USH2A: variants seen among roughly 807,000 people sequenced by gnomAD.
The protein encoded by USH2A is Usher syndrome 2A (autosomal recessive, mild).
In USH2A, 443 loss-of-function variants were observed where a neutral mutation model predicts 538.9. The ratio of observed to expected loss-of-function variants is 0.82; its 90% CI spans 0.76 to 0.89. USH2A has a LOEUF of 0.89. Ranked by LOEUF, USH2A falls within the 40% of genes least tolerant of loss-of-function variation. USH2A has a pLI of 0.00. For synonymous variants in USH2A, 2,413 were observed against 2,273.5 expected (o/e 1.06, Z -1.75); for missense variants, 6,633 against 6,324.8 (o/e 1.05, Z -1.65).
intron 61 of USH2A, among the ~76,000 whole-genome samples, chr1:215,722,424 T>C (rs949995546): frequency 1.3e-5 from 2 of 152,240 alleles, no homozygotes; most frequent in Non-Finnish European, 1.5e-5. Flanking sequence ...TTTTATGTTA[T>C]CTAAGCCAAA....
intron 47 of USH2A, among the ~76,000 whole-genome samples, chr1:215,837,697 A>G (rs1449448811): frequency 2.0e-5 from 3 of 152,206 alleles, no homozygotes. Flanking sequence ...TATGCTCCGC[A>G]AAAGGATTCA....
chr1:216,313,623 T>C (rs1022730112), intron 9 of USH2A, among the ~76,000 whole-genome samples: 3 of 152,206 alleles, frequency 2.0e-5, no homozygotes, highest in African/African-American at 7.2e-5. Context: ...TCACAATTCC[T>C]TCCTTCACAC....
intron 4 of USH2A, among the ~76,000 whole-genome samples, chr1:216,332,260 G>C (rs1167918312): frequency 6.6e-6 from 1 of 152,036 alleles, no homozygotes; most frequent in Non-Finnish European, 1.5e-5. Context: ...TCATCCACTG[G>C]AAACAGCATT....
intron 17 of USH2A, 139 bp downstream of exon 17, chr1:216,199,488 T>C (rs1405941896): frequency 4.7e-6 from 6 of 1,288,768 alleles, no homozygotes; most frequent in Non-Finnish European, 6.6e-6. Flanking sequence ...CTATCTTATA[T>C]CTTTAGAAAC....
rs748673426 is a variant in USH2A, at chr1:216,007,019, GT to G, written c.6326-6458del. Among the ~76,000 whole-genome samples the G allele has an allele frequency of 5.3e-5, 8 of 152,250 alleles. No homozygotes were observed. In the East Asian group the frequency reaches 5.8e-4, roughly 11 times the overall value. On this transcript the variant is annotated intron_variant, in intron 32 of 71. Transcript: ENST00000307340. ...GGGAGATAATTGAATCATGGGGGCA[GT>G]TTCCCCCTTCTGTTCTCATGGTAGT...
At chr1:215,650,937 C>T (rs1657057253) in intron 64 of USH2A, 136 bp from the exon 65 acceptor site, 1 of 889,324 alleles carries the variant, frequency 1.1e-6, no homozygotes, top group Non-Finnish European at 1.7e-6. Context: ...AAACTTTGAT[C>T]TTGCAACCTT....
intron 58 of USH2A, among the ~76,000 whole-genome samples, chr1:215,758,123 A>C (rs1313231355): frequency 2.0e-5 from 3 of 151,850 alleles, no homozygotes; most frequent in Admixed American, 2.0e-4. Context: ...GTCTCTACTA[A>C]AAACAATACA....
At chr1:216,382,837 T>C (rs1168708459) in intron 3 of USH2A, among the ~76,000 whole-genome samples, 2 of 152,150 alleles carry the variant, frequency 1.3e-5, no homozygotes, top group East Asian at 3.8e-4. Flanking sequence ...ATACAACTTC[T>C]TATGTATCTT....
intron 32 of USH2A, among the ~76,000 whole-genome samples, chr1:216,012,510 T>G (rs948456966): frequency 6.6e-6 from 1 of 152,158 alleles, no homozygotes; most frequent in African/African-American, 2.4e-5. Flanking sequence ...ATTTCTTCCC[T>G]TCTGTCAGAC....
intron 43 of USH2A, among the ~76,000 whole-genome samples, chr1:215,877,216 C>G (rs961737364): frequency 2.0e-5 from 3 of 152,162 alleles, no homozygotes; most frequent in African/African-American, 4.8e-5. Context: ...ACCAGATCTC[C>G]TAACTCTCCC....
rs574100345 is a variant in USH2A at position 216,046,716 on chromosome 1, G to A, written c.6164-124C>T. 1.1e-4 allele frequency: 130 copies of A among 1,151,360 alleles called. 1 individual carries two copies. The highest frequency in any genetic ancestry group is 1.4e-4 in the African/African-American group (9 of 64,878). The allele number at this position is 1,151,360 out of a possible 1,614,324, so 71.3% of individuals were successfully genotyped here. Reference sequence around the variant, plus strand: ...CCATGCATGGAAATATTCCCGATTCGTGGGCAGCTTGTCAGTAATTGCTTT... The same window carrying A: ...CCATGCATGGAAATATTCCCGATTCATGGGCAGCTTGTCAGTAATTGCTTT... On this transcript the variant is annotated intron_variant, in intron 31 of 71. Coordinates refer to ENST00000307340, the MANE Select transcript of USH2A (RefSeq NM_206933.4).
chr1:215,917,987 G>C (rs1278373331), intron 38 of USH2A, among the ~76,000 whole-genome samples: 1 of 151,438 alleles, frequency 6.6e-6, no homozygotes, highest in Non-Finnish European at 1.5e-5. Flanking sequence ...AAATGACTGA[G>C]GTCGTGTAGA....
At chr1:216,239,763 G>A (rs1357492659) in intron 13 of USH2A, among the ~76,000 whole-genome samples, 1 of 152,096 alleles carries the variant, frequency 6.6e-6, no homozygotes, top group Non-Finnish European at 1.5e-5. Flanking sequence ...GAGGAAGGTG[G>A]CTTGGACCTG....
At chr1:216,422,813 T>A (rs193061646) in intron 1 of USH2A, among the ~76,000 whole-genome samples, 103 of 150,918 alleles carry the variant, frequency 6.8e-4, no homozygotes, top group Non-Finnish European at 8.6e-4. Context: ...TGTGTGTGTT[T>A]TATATATATA....
intron 6 of USH2A, among the ~76,000 whole-genome samples, 170 bp downstream of exon 6, chr1:216,325,135 C>A (rs1372751148): frequency 6.6e-6 from 1 of 152,118 alleles, no homozygotes; most frequent in Non-Finnish European, 1.5e-5. Flanking sequence ...AAGGAGGGAT[C>A]CTCCTCTGGA....
chr1:215,877,932 A>T lies in USH2A; in HGVS notation c.8559-52T>A, dbSNP rs750289851. On this transcript the variant is annotated intron_variant, in intron 42 of 71. Transcript: ENST00000307340. ...CAGGATTATCTCAACTCATATTGAG[A>T]TTACCAAAACTCAGGCTGTTCTGTG... The T allele has an allele frequency of 3.7e-6, 6 of 1,612,166 alleles. No individual in the cohort carries two copies. In the South Asian group the frequency reaches 4.4e-5, roughly 12 times the overall value.
At chr1:215,812,422 G>T (rs181683281) in intron 49 of USH2A, among the ~76,000 whole-genome samples, 8 of 152,270 alleles carry the variant, frequency 5.3e-5, no homozygotes, top group African/African-American at 1.7e-4. Context: ...CTGTGCAATG[G>T]GCAAGATGAA....
chr1:215,705,309 G>A (rs941179363), intron 61 of USH2A, among the ~76,000 whole-genome samples: 2 of 152,086 alleles, frequency 1.3e-5, no homozygotes, highest in African/African-American at 4.8e-5. Flanking sequence ...CTGTTTCTGT[G>A]CCTTTTGTGT....
intron 38 of USH2A, among the ~76,000 whole-genome samples, chr1:215,927,441 C>T (rs17642493): frequency 0.15 from 23,310 of 151,940 alleles, 1,907 homozygotes; most frequent in African/African-American, 0.18. Context: ...CCCTATATAA[C>T]AAGATTGTTG....
Sources: allele counts gnomAD v4.1 joint callset (sites outside exome capture counted in the v4.1 genomes callset), GRCh38; gene constraint gnomAD v4.1.1; transcripts MANE v1.5; gene names NCBI Gene and HGNC (gene_info 2026-07-23, HGNC 2026-07-21).